The following DCD variants were observed in gnomAD, a reference collection of about 807,000 sequenced individuals.
The protein encoded by DCD is diffusible survival/evasion peptide.
DCD carries 17 observed loss-of-function variants against 14.5 expected under a neutral mutation model. That is an observed-to-expected ratio of 1.18 (90% confidence interval 0.81 to 1.76). The LOEUF is 1.76. DCD is among the 40% of genes most tolerant of loss of function. The pLI, the probability that DCD is intolerant of heterozygous loss-of-function variation, is 0.00. For synonymous variants in DCD, 64 were observed against 54.0 expected (o/e 1.19, Z -0.82); for missense variants, 139 against 133.4 (o/e 1.04, Z -0.21).
In DCD at chr12:54,645,601, C is replaced by T. The variant is rs1480313577; in HGVS notation, c.199+5G>A. The T allele has an allele frequency of 6.2e-7, 1 of 1,613,268 alleles. No homozygotes were observed. The highest frequency in any genetic ancestry group is 8.5e-7 in the Non-Finnish European group (1 of 1,179,406). On this transcript the variant is annotated splice_donor_5th_base_variant and intron_variant, in intron 3 of 4. Coordinates refer to ENST00000293371, the MANE Select transcript of DCD (RefSeq NM_053283.4). ...TCTATACCAGGCATTGGGAAAGAGG[C>T]TTACCCAGAAGGCTGGATCTCTGCT... is the stretch of plus-strand genomic sequence containing the variant.
intron 3 of DCD, 38 bp downstream of exon 3, chr12:54,645,568 A>G (rs775836661): frequency 2.5e-6 from 4 of 1,569,360 alleles, no homozygotes; most frequent in East Asian, 4.5e-5. Context: ...TGTTTCATGC[A>G]TCAGAATTCT....
At chr12:54,646,593 C>T (rs1261265180) in intron 2 of DCD, among the ~76,000 whole-genome samples, 2 of 151,940 alleles carry the variant, frequency 1.3e-5, no homozygotes, top group Non-Finnish European at 2.9e-5. Context: ...GGAAGAGGAA[C>T]GTTGGGTAGT....
At chr12:54,647,216 C>G (rs1229534315) in intron 1 of DCD, 57 bp from the exon 2 acceptor site, 5 of 1,516,030 alleles carry the variant, frequency 3.3e-6, no homozygotes, top group Non-Finnish European at 4.5e-6. Context: ...TGAGCTGTAT[C>G]CAGCCAGGGC....
chr12:54,645,248 C>T lies in DCD; in HGVS notation c.214G>A (p.Gly72Arg), dbSNP rs374154248. Reference sequence around the variant, plus strand: ...AGTCCCCCCACAGCTTTTTTTGCTCCGTCTAGGCCTTTTTCTAGGGTGGAT... The same window carrying T: ...AGTCCCCCCACAGCTTTTTTTGCTCTGTCTAGGCCTTTTTCTAGGGTGGAT... ...RSSLLEKGLD[G>R]AKKAVGGLGK... The change falls in exon 4 of 5, where the codon GGA becomes AGA. Residue 72 changes from glycine to arginine, a missense_variant. Coordinates refer to ENST00000293371, the MANE Select transcript of DCD (RefSeq NM_053283.4). 66 of 1,613,822 alleles carry T rather than the reference C, an allele frequency of 4.1e-5. No homozygotes were observed. The highest frequency in any genetic ancestry group is 2.0e-4 in the South Asian group (18 of 91,068).
chr12:54,645,288 G>T (rs748872993), intron 3 of DCD, 26 bp from the exon 4 acceptor site: 11 of 1,605,726 alleles, frequency 6.9e-6, no homozygotes, highest in Non-Finnish European at 9.4e-6. Flanking sequence ...AAAAGAAGAG[G>T]TCATAGAAGC....
chr12:54,647,884 A>G (rs962826286), intron 1 of DCD, among the ~76,000 whole-genome samples: 2 of 152,126 alleles, frequency 1.3e-5, no homozygotes, highest in Non-Finnish European at 2.9e-5. Context: ...TTGAGTAGGA[A>G]GGAGGTTGAC....
chr12:54,644,664 A>T lies in DCD; in HGVS notation c.*49T>A. On this transcript the variant is annotated 3_prime_UTR_variant, in exon 5 of 5. Coordinates refer to ENST00000293371, the MANE Select transcript of DCD (RefSeq NM_053283.4). Reference sequence around the variant, plus strand: ...TTTTTTTTTAGGTTTTAGGCTGAAGACGTAAAGCCTGCTGCTCCTGGGTAT... The same window carrying T: ...TTTTTTTTTAGGTTTTAGGCTGAAGTCGTAAAGCCTGCTGCTCCTGGGTAT... The T allele has an allele frequency of 4.4e-6, 5 of 1,129,916 alleles. No homozygotes were observed. Among genetic ancestry groups the T allele is most frequent in the Non-Finnish European group, 6.5e-6 (5 of 765,820 alleles). The allele number at this position is 1,129,916 out of a possible 1,614,324, so 70.0% of individuals were successfully genotyped here.
intron 4 of DCD, 125 bp from the exon 5 acceptor site, chr12:54,644,881 T>C (rs1464299523): frequency 6.4e-7 from 1 of 1,550,586 alleles, no homozygotes; most frequent in Non-Finnish European, 8.7e-7. Flanking sequence ...TGGAGGTGCT[T>C]ACACAGAAGT....
chr12:54,644,646 T>A lies in DCD; in HGVS notation c.*67A>T. The A allele has an allele frequency of 1.9e-6, 2 of 1,029,130 alleles. No individual in the cohort carries two copies. The highest frequency in any genetic ancestry group is 2.9e-6 in the Non-Finnish European group (2 of 701,198). The allele number at this position is 1,029,130 out of a possible 1,614,324, so 63.7% of individuals were successfully genotyped here. A position where few individuals can be genotyped will look rare whatever the true frequency, so the allele number is the denominator to read the frequency against. ...TAAATTTTTTTTTTTTTTTTTTTTT[T>A]TAGGTTTTAGGCTGAAGACGTAAAG... is the stretch of plus-strand genomic sequence containing the variant. On this transcript the variant is annotated 3_prime_UTR_variant, in exon 5 of 5. Coordinates refer to ENST00000293371, the MANE Select transcript of DCD (RefSeq NM_053283.4).
At chr12:54,645,320 G>A in intron 3 of DCD, 58 bp from the exon 4 acceptor site, 1 of 1,534,836 alleles carries the variant, frequency 6.5e-7, no homozygotes, top group South Asian at 1.1e-5. Context: ...TTCCTTTGTA[G>A]GAGAGCTCCC....
At chr12:54,645,363 T>G (rs1218434457) in intron 3 of DCD, 101 bp from the exon 4 acceptor site, 1 of 1,222,448 alleles carries the variant, frequency 8.2e-7, no homozygotes, top group South Asian at 1.3e-5. Flanking sequence ...ACCCCTAAGG[T>G]GAAGTGGTTT....
At chr12:54,645,439 G>A (rs1475414577) in intron 3 of DCD, among the ~76,000 whole-genome samples, 167 bp downstream of exon 3, 1 of 152,176 alleles carries the variant, frequency 6.6e-6, no homozygotes, top group Non-Finnish European at 1.5e-5. Flanking sequence ...CAAAACCTAT[G>A]GCCCAGAAAC....
intron 2 of DCD, 118 bp from the exon 3 acceptor site, chr12:54,645,825 C>A: frequency 1.3e-6 from 1 of 750,162 alleles, no homozygotes; most frequent in Non-Finnish European, 2.3e-6. Context: ...CCCTCTCTCC[C>A]AATTCCTCTA....
rs1360608718 is a variant in DCD, at chr12:54,647,172, G to A, written c.59-13C>T. 6.4e-7 allele frequency: 1 copy of A among 1,559,908 alleles called. No individual in the cohort carries two copies. Among genetic ancestry groups the A allele is most frequent in the Non-Finnish European group, 8.7e-7 (1 of 1,151,210 alleles). On this transcript the variant is annotated splice_polypyrimidine_tract_variant and intron_variant, in intron 1 of 4. Transcript: ENST00000293371. ...GCCTCTGGATCATCTGCAAAGGAGG[G>A]AACAGTGACCATGTCAAGTAGGGCA...
intron 2 of DCD, 89 bp downstream of exon 2, chr12:54,647,032 C>T (rs989856132): frequency 5.0e-6 from 7 of 1,388,312 alleles, no homozygotes; most frequent in Non-Finnish European, 3.9e-6. Flanking sequence ...CCCGGACCCC[C>T]CTTCTGCTTC....
chr12:54,645,540 G>T, intron 3 of DCD, 66 bp downstream of exon 3: 1 of 1,420,566 alleles, frequency 7.0e-7, no homozygotes, highest in Non-Finnish European at 9.9e-7. Flanking sequence ...AGGGCAGACT[G>T]GCCCCCAGAT....
At position 54,645,587 on chromosome 12, in the gene DCD, C is replaced by G; in HGVS notation, c.199+19G>C. 6.2e-7 allele frequency: 1 copy of G among 1,602,530 alleles called. No individual in the cohort carries two copies. The highest frequency in any genetic ancestry group is 8.5e-7 in the Non-Finnish European group (1 of 1,169,682). ...TCATGCATCAGAATTCTATACCAGG[C>G]ATTGGGAAAGAGGCTTACCCAGAAG... On this transcript the variant is annotated intron_variant, in intron 3 of 4. Transcript: ENST00000293371.
intron 2 of DCD, chr12:54,646,289 C>T (rs1238827637): frequency 2.6e-6 from 1 of 382,294 alleles, no homozygotes; most frequent in East Asian, 7.2e-5. Context: ...GTGGTTGGGG[C>T]TCGCAGTGCA....
chr12:54,645,569 T>C (rs763149370), intron 3 of DCD, 37 bp downstream of exon 3: 2 of 1,573,036 alleles, frequency 1.3e-6, no homozygotes, highest in Admixed American at 1.7e-5. Flanking sequence ...GTTTCATGCA[T>C]CAGAATTCTA....
Sources: gnomAD v4.1 joint callset for allele counts (sites outside exome capture counted in the v4.1 genomes callset) on GRCh38, gnomAD v4.1.1 for gene constraint, MANE v1.5 for transcripts, NCBI Gene and HGNC (gene_info 2026-07-23, HGNC 2026-07-21) for gene names.